SESN3: variants seen among roughly 807,000 people sequenced by gnomAD.
SESN3 encodes sestrin-3.
Under a neutral mutation model 55.3 loss-of-function variants are expected in SESN3, and 21 were observed. The observed-to-expected ratio is 0.38, with a 90% CI of 0.27 to 0.55. SESN3 has a LOEUF of 0.55. SESN3 is among the 20% of genes least tolerant of loss of function. The probability of loss-of-function intolerance (pLI) is 0.76; values close to 1 mark genes in which losing one functional copy is unlikely to be tolerated. For missense variants in SESN3, 408 were observed against 604.3 expected, an observed-to-expected ratio of 0.68 and a Z score of 3.41; for synonymous variants, 181 against 203.1, an observed-to-expected ratio of 0.89 and a Z score of 0.93.
chr11:95,185,840 T>C (rs1278603227), intron 4 of SESN3, among the ~76,000 whole-genome samples: 1 of 151,882 alleles, frequency 6.6e-6, no homozygotes, highest in East Asian at 1.9e-4. Context: ...AACAAAACCA[T>C]TCATTTTAAG....
chr11:95,194,253 TTC>T (rs1354509200), intron 1 of SESN3, among the ~76,000 whole-genome samples: 5 of 152,132 alleles, frequency 3.3e-5, no homozygotes, highest in African/African-American at 1.2e-4. Flanking sequence ...AGGGTCCTTC[TTC>T]TCACCCTCCC....
chr11:95,230,140 TCTC>T lies in SESN3; in HGVS notation c.78+640_78+642del, dbSNP rs139061787. On this transcript the variant is annotated intron_variant, in intron 1 of 9. Transcript: ENST00000536441. This position sits in a 1 kb window ranked among gnomAD's most constrained non-coding sequence, Gnocchi z 4.6. ...GAATAACCCACATCCACCTCAGTCTTCTCCTCCCCCAACCCCAGCCTCAGGAAC... is the reference window on the plus strand; with the variant it reads ...GAATAACCCACATCCACCTCAGTCTTCTCCCCCAACCCCAGCCTCAGGAAC... The T allele has an allele frequency of 0.33, 49,369 of 151,326 alleles. 8,503 individuals carry two copies. Among genetic ancestry groups the T allele is most frequent in the Middle Eastern group, 0.42 (120 of 284 alleles). The allele number at this position is 151,326 out of a possible 1,614,324, so 9.4% of individuals were successfully genotyped here. A position where few individuals can be genotyped will look rare whatever the true frequency, so the allele number is the denominator to read the frequency against.
Position 95,184,477 on chromosome 11 carries a change from TCTC to T in SESN3, c.877_879del (p.Glu293del), listed in dbSNP as rs757169940. The T allele has an allele frequency of 6.2e-7, 1 of 1,613,690 alleles. No individual in the cohort carries two copies. Among genetic ancestry groups the T allele is most frequent in the East Asian group, 2.2e-5 (1 of 44,832 alleles). On this transcript the variant is annotated inframe_deletion, in exon 6 of 10. Transcript: ENST00000536441. ...GAGACCACAAAAAGACTTTCTTTCTTCTCCTTTTCAAAACGAGTGCTCATTTCT... is the reference window on the plus strand; with the variant it reads ...GAGACCACAAAAAGACTTTCTTTCTTCTTTTCAAAACGAGTGCTCATTTCT...
At chr11:95,199,977 TC>T (rs1860432171) in intron 1 of SESN3, among the ~76,000 whole-genome samples, 1 of 152,036 alleles carries the variant, frequency 6.6e-6, no homozygotes, top group Non-Finnish European at 1.5e-5. Context: ...GTGCCAACAT[TC>T]TTTTTTAAAT....
At chr11:95,199,110 CTT>C (rs1860416686) in intron 1 of SESN3, among the ~76,000 whole-genome samples, 1 of 151,826 alleles carries the variant, frequency 6.6e-6, no homozygotes, top group African/African-American at 2.4e-5. Flanking sequence ...AAAATGTTGA[CTT>C]GAGTTTAAAA....
chr11:95,175,467 A>G (rs1199019814), intron 9 of SESN3, 31 bp downstream of exon 9: 1 of 1,579,570 alleles, frequency 6.3e-7, no homozygotes, highest in East Asian at 2.2e-5. Context: ...AGAACTGTCT[A>G]TGGTATAATG....
chr11:95,231,292 A>G, upstream of SESN3: 1 of 391,260 alleles, frequency 2.6e-6, no homozygotes, highest in Non-Finnish European at 4.5e-6. Flanking sequence ...CTACGCCCCC[A>G]GGGCGCTAGC....
intron 1 of SESN3, chr11:95,224,600 T>G (rs1860916176): frequency 3.5e-6 from 1 of 285,256 alleles, no homozygotes; most frequent in African/African-American, 2.2e-5. Flanking sequence ...TATTGCAGAT[T>G]ATCAAAAAGT....
intron 6 of SESN3, among the ~76,000 whole-genome samples, chr11:95,180,232 T>A (rs1412968376): frequency 6.6e-6 from 1 of 152,208 alleles, no homozygotes; most frequent in Non-Finnish European, 1.5e-5. Flanking sequence ...AGACAAACTA[T>A]AATTCTTAAC....
chr11:95,226,250 T>A (rs1860946613), intron 1 of SESN3, among the ~76,000 whole-genome samples: 1 of 152,212 alleles, frequency 6.6e-6, no homozygotes, highest in South Asian at 2.1e-4. Flanking sequence ...TAAAGTTCAT[T>A]AACACACATC....
rs1220210402 is a variant in SESN3 at position 95,230,016 on chromosome 11, T to TTTG, written c.78+766_78+767insCAA. ...TTAAGCCAAGTAAGCTAAACAATAC[T>TTTG]GGAGTAAACTTTCTATCAGTCACTC... On this transcript the variant is annotated intron_variant, in intron 1 of 9. Transcript: ENST00000536441. This position sits in a 1 kb window ranked among gnomAD's most constrained non-coding sequence, Gnocchi z 4.6. 3.9e-5 allele frequency among the ~76,000 whole-genome samples: 6 copies of TTTG among 151,992 alleles called. No individual in the cohort carries two copies. The highest frequency in any genetic ancestry group is 6.5e-5 in the Admixed American group (1 of 15,274).
At position 95,167,475 on chromosome 11, in the gene SESN3, C is replaced by CCCCATATATATATATATATATAT. The variant is rs563322416; in HGVS notation, c.*5779_*5780insATATATATATATATATATATGGG. 2.7e-5 allele frequency: 4 copies of CCCCATATATATATATATATATAT among 150,820 alleles called. No individual in the cohort carries two copies. Among genetic ancestry groups the CCCCATATATATATATATATATAT allele is most frequent in the African/African-American group, 7.5e-5 (3 of 40,220 alleles). The allele number at this position is 150,820 out of a possible 1,614,324, so 9.3% of individuals were successfully genotyped here. On this transcript the variant is annotated 3_prime_UTR_variant, in exon 10 of 10. Transcript: ENST00000536441. ...TCAGATATTCATTCTGTTTCCCCCC[C>CCCCATATATATATATATATATAT]ATATATATAATTTTTCATTCTGTAC...
rs1404812889 is a variant in SESN3 at position 95,172,518 on chromosome 11, T to C, written c.*737A>G. 6.6e-6 allele frequency: 1 copy of C among 152,172 alleles called. No homozygotes were observed. The highest frequency in any genetic ancestry group is 1.5e-5 in the Non-Finnish European group (1 of 68,026). The allele number at this position is 152,172 out of a possible 1,614,324, so 9.4% of individuals were successfully genotyped here. Reference sequence around the variant, plus strand: ...CTTATATACATCTGATATGGAAAACTGAAACTTCCATTTTAGAAGAGAAAG... The same window carrying C: ...CTTATATACATCTGATATGGAAAACCGAAACTTCCATTTTAGAAGAGAAAG... On this transcript the variant is annotated 3_prime_UTR_variant, in exon 10 of 10. Coordinates refer to ENST00000536441, the MANE Select transcript of SESN3 (RefSeq NM_144665.4).
chr11:95,211,107 G>C (rs747517321), intron 1 of SESN3, among the ~76,000 whole-genome samples: 15 of 152,174 alleles, frequency 9.9e-5, no homozygotes, highest in Non-Finnish European at 1.5e-4. Flanking sequence ...CTGGTGCATA[G>C]AAAAGTATTC....
intron 1 of SESN3, among the ~76,000 whole-genome samples, chr11:95,227,902 G>T (rs893629645): frequency 4.6e-5 from 7 of 152,092 alleles, no homozygotes; most frequent in Non-Finnish European, 1.0e-4. Context: ...AAAATAAATA[G>T]AAGCATTTCC....
At chr11:95,229,894 A>G (rs1480915763) in intron 1 of SESN3, among the ~76,000 whole-genome samples, 1 of 152,224 alleles carries the variant, frequency 6.6e-6, no homozygotes, top group African/African-American at 2.4e-5. Flanking sequence ...ACTGATTATA[A>G]TATTACTTTG....
At chr11:95,231,387 G>A (rs886983888), upstream of SESN3, 5 of 371,390 alleles carry the variant, frequency 1.3e-5, no homozygotes, top group Admixed American at 4.6e-5. Flanking sequence ...CTCCGGGCAA[G>A]TTAAGTTTAT....
chr11:95,228,323 A>G (rs1330344443), intron 1 of SESN3, among the ~76,000 whole-genome samples: 2 of 152,218 alleles, frequency 1.3e-5, no homozygotes, highest in Admixed American at 6.5e-5. Context: ...CCCTTCTTCC[A>G]TCATTATATA....
intron 4 of SESN3, among the ~76,000 whole-genome samples, chr11:95,186,044 A>G (rs939292747): frequency 6.6e-6 from 1 of 151,996 alleles, no homozygotes; most frequent in Non-Finnish European, 1.5e-5. Context: ...ATTTCACTTG[A>G]CCCTCCAGCT....
Sources: gnomAD v4.1 joint callset for allele counts (sites outside exome capture counted in the v4.1 genomes callset) on GRCh38, gnomAD v4.1.1 for gene constraint, Gnocchi (gnomAD v3.1) non-coding constraint, MANE v1.5 for transcripts, NCBI Gene and HGNC (gene_info 2026-07-23, HGNC 2026-07-21) for gene names.